Variants in SCAMP1 observed in about 807,000 individuals in gnomAD.
SCAMP1 encodes secretory carrier membrane protein 1, also known as secretory carrier-associated membrane protein 1.
SCAMP1 carries 15 observed loss-of-function variants against 41.8 expected under a neutral mutation model. That is an observed-to-expected ratio of 0.36 (90% CI 0.24 to 0.55). The LOEUF is 0.55. Among genes scored for constraint, SCAMP1 ranks in the 20% least tolerant of loss-of-function variants. The pLI is 0.86. For synonymous variants in SCAMP1, 135 were observed against 136.8 expected (o/e 0.99, Z 0.09); for missense variants, 341 against 412.6 (o/e 0.83, Z 1.50).
intron 6 of SCAMP1, among the ~76,000 whole-genome samples, chr5:78,437,418 G>A (rs896617130): frequency 6.6e-5 from 10 of 151,978 alleles, no homozygotes; most frequent in East Asian, 1.9e-4. Flanking sequence ...AGTTTTTAGC[G>A]TGAAGCGCTG....
chr5:78,418,746 C>G (rs762590977), intron 4 of SCAMP1, 29 bp from the exon 5 acceptor site: 1 of 1,338,392 alleles, frequency 7.5e-7, no homozygotes, highest in South Asian at 1.4e-5. Context: ...ATATAAATAA[C>G]CTTTTCTTTT....
chr5:78,378,929 T>A (rs947273923), intron 1 of SCAMP1, among the ~76,000 whole-genome samples: 2 of 152,164 alleles, frequency 1.3e-5, no homozygotes, highest in African/African-American at 4.8e-5. Context: ...ACGTTCAGAG[T>A]GACGCTCAGC....
chr5:78,416,601 G>T lies in SCAMP1; in HGVS notation c.295G>T (p.Ala99Ser), dbSNP rs762983897. The change falls in exon 4 of 9, where the codon GCA becomes TCA. Residue 99 changes from alanine to serine, a missense_variant. Coordinates refer to ENST00000621999, the MANE Select transcript of SCAMP1 (RefSeq NM_004866.6). ...KRQEELERKAAELDRREREMQ... is the reference protein window; with the variant it reads ...KRQEELERKASELDRREREMQ... ...CCAGGAAGAACTAGAAAGAAAAGCC[G>T]CAGAATTAGATCGTCGGGAACGAGA... 4.4e-6 allele frequency: 7 copies of T among 1,599,690 alleles called. No individual in the cohort carries two copies. Among genetic ancestry groups the T allele is most frequent in the Non-Finnish European group, 4.3e-6 (5 of 1,172,850 alleles).
chr5:78,458,973 G>T (rs1003385723), intron 7 of SCAMP1, among the ~76,000 whole-genome samples: 1 of 152,204 alleles, frequency 6.6e-6, no homozygotes, highest in Non-Finnish European at 1.5e-5. Flanking sequence ...TTGAGACTCT[G>T]GAGTTTGGTT....
intron 8 of SCAMP1, among the ~76,000 whole-genome samples, chr5:78,464,369 C>G (rs567507874): frequency 1.3e-5 from 2 of 152,278 alleles, no homozygotes; most frequent in East Asian, 3.9e-4. Flanking sequence ...CTCTTGATCT[C>G]CTGACCTCGT....
chr5:78,366,236 T>C (rs1044499270), intron 1 of SCAMP1, among the ~76,000 whole-genome samples: 1 of 150,782 alleles, frequency 6.6e-6, no homozygotes, highest in Admixed American at 6.7e-5. Flanking sequence ...CTCCATCTCC[T>C]GGGTTCAAGC....
intron 2 of SCAMP1, among the ~76,000 whole-genome samples, chr5:78,405,647 A>C (rs1168656321): frequency 6.6e-6 from 1 of 152,184 alleles, no homozygotes; most frequent in Non-Finnish European, 1.5e-5. Context: ...TGTTGCTGGA[A>C]TGTAGCTTTA....
chr5:78,463,421 T>C (rs1028422107), intron 8 of SCAMP1, among the ~76,000 whole-genome samples: 1 of 152,248 alleles, frequency 6.6e-6, no homozygotes, highest in Admixed American at 6.5e-5. Flanking sequence ...TTCAGTTTCT[T>C]CTCTACCTAG....
chr5:78,408,776 T>A (rs1205264712), intron 2 of SCAMP1, among the ~76,000 whole-genome samples: 1 of 152,096 alleles, frequency 6.6e-6, no homozygotes, highest in African/African-American at 2.4e-5. Context: ...TTTTTAAATT[T>A]TGGTGTAGAG....
intron 2 of SCAMP1, among the ~76,000 whole-genome samples, chr5:78,394,777 A>G (rs988549446): frequency 2.0e-5 from 3 of 152,172 alleles, no homozygotes; most frequent in Non-Finnish European, 4.4e-5. Context: ...TTCCAGTCTC[A>G]TTTAATGATA....
chr5:78,474,507 A>G (rs996277600), intron 8 of SCAMP1, among the ~76,000 whole-genome samples: 1 of 152,098 alleles, frequency 6.6e-6, no homozygotes, highest in Admixed American at 6.5e-5. Context: ...TCTTGAAACT[A>G]CTTTCCCAAA....
In SCAMP1 at chr5:78,388,864, A is replaced by C. The variant is rs1392169308; in HGVS notation, c.85A>C (p.Asn29His). The change falls in exon 2 of 9, where the codon AAT becomes CAT. Residue 29 changes from asparagine to histidine, a missense_variant. Physicochemically the swap from Asn to His is moderately conservative, Grantham distance 68. Transcript: ENST00000621999. ...KDPSVTQVTR[N>H]VPPGLDEYNP... Reference sequence around the variant, plus strand: ...TCCATCAGTTACACAAGTGACAAGAAATGTTCCACCAGGACTTGATGAATA... The same window carrying C: ...TCCATCAGTTACACAAGTGACAAGACATGTTCCACCAGGACTTGATGAATA... The C allele has an allele frequency of 1.3e-6, 2 of 1,561,872 alleles. No homozygotes were observed. Among genetic ancestry groups the C allele is most frequent in the Non-Finnish European group, 1.8e-6 (2 of 1,137,126 alleles).
chr5:78,469,918 AAAAAAAAAAAAAAACAAC>A (rs1419801156), intron 8 of SCAMP1, among the ~76,000 whole-genome samples: 14,989 of 45,020 alleles, frequency 0.33, 2,293 homozygotes, highest in South Asian at 0.47. Context: ...AAAAACAAAA[AAAAAAAAAAAAAAACAAC>A]AACACAGCCC....
At chr5:78,416,290 T>A (rs990050948) in intron 3 of SCAMP1, among the ~76,000 whole-genome samples, 2 of 152,196 alleles carry the variant, frequency 1.3e-5, no homozygotes, top group Non-Finnish European at 2.9e-5. Flanking sequence ...TTGTGACTAC[T>A]TTTACTAAGA....
At chr5:78,472,488 C>A (rs1753909658) in intron 8 of SCAMP1, among the ~76,000 whole-genome samples, 1 of 151,746 alleles carries the variant, frequency 6.6e-6, no homozygotes, top group Non-Finnish European at 1.5e-5. Flanking sequence ...TTAATAGATA[C>A]CATCTGAAAC....
chr5:78,455,636 G>A (rs1190772345), intron 7 of SCAMP1, among the ~76,000 whole-genome samples: 1 of 122,062 alleles, frequency 8.2e-6, no homozygotes, highest in Non-Finnish European at 1.7e-5. Context: ...GGTGTGGTGT[G>A]GTGCTGAAAA....
At chr5:78,385,586 T>C (rs1751321847) in intron 1 of SCAMP1, among the ~76,000 whole-genome samples, 2 of 152,322 alleles carry the variant, frequency 1.3e-5, no homozygotes, top group South Asian at 2.1e-4. Context: ...CATTTAATAC[T>C]ATGAACTTTC....
chr5:78,433,916 C>T (rs1218247651), intron 6 of SCAMP1, among the ~76,000 whole-genome samples: 2 of 152,166 alleles, frequency 1.3e-5, no homozygotes, highest in Non-Finnish European at 2.9e-5. Context: ...TATTCCTGTC[C>T]CACCTCCAGG....
chr5:78,361,828 G>A (rs1223534132), intron 1 of SCAMP1, among the ~76,000 whole-genome samples: 2 of 152,178 alleles, frequency 1.3e-5, no homozygotes, highest in Admixed American at 6.5e-5. Context: ...GGCTTGTTGA[G>A]TTTACATCTT....
Sources: gnomAD v4.1 joint callset for allele counts (sites outside exome capture counted in the v4.1 genomes callset) on GRCh38, gnomAD v4.1.1 for gene constraint, MANE v1.5 for transcripts, NCBI Gene and HGNC (gene_info 2026-07-23, HGNC 2026-07-21) for gene names.